Variants in VWA3B observed in about 807,000 individuals in gnomAD.
VWA3B encodes von Willebrand factor A domain containing 3B, also known as von Willebrand factor A domain-containing protein 3B.
A neutral mutation model predicts 158.3 loss-of-function variants in VWA3B; 138 were observed. The ratio of observed to expected loss-of-function variants is 0.87; its 90% CI spans 0.76 to 1.00. The LOEUF (loss-of-function observed/expected upper bound fraction) is 1.00, where lower values mean the gene tolerates loss of function less well. Among genes scored for constraint, VWA3B ranks in the 50% least tolerant of loss-of-function variants. The pLI is 0.00. For missense variants in VWA3B, 1,555 were observed against 1,565.1 expected (o/e 0.99, Z 0.11); for synonymous variants, 596 against 587.3 (o/e 1.01, Z -0.21).
intron 12 of VWA3B, among the ~76,000 whole-genome samples, chr2:98,201,376 T>C (rs1682532745): frequency 6.6e-6 from 1 of 152,230 alleles, no homozygotes; most frequent in African/African-American, 2.4e-5. Flanking sequence ...ACTTACCTGC[T>C]CTAGGAACTT....
At chr2:98,208,159 T>C (rs1574081964) in intron 12 of VWA3B, among the ~76,000 whole-genome samples, 2 of 152,080 alleles carry the variant, frequency 1.3e-5, no homozygotes, top group African/African-American at 4.8e-5. Context: ...GTCTACTTTA[T>C]ATAATATTAA....
chr2:98,129,531 A>T (rs1244097420), intron 6 of VWA3B, among the ~76,000 whole-genome samples: 1 of 152,116 alleles, frequency 6.6e-6, no homozygotes, highest in Non-Finnish European at 1.5e-5. Flanking sequence ...CAACATAGGA[A>T]TTTTTTTGGC....
chr2:98,114,544 G>T lies in VWA3B; in HGVS notation c.197-1108G>T, dbSNP rs1396631422. ...CAGCCTTGCTCTTTTTAGCTCTCCAGAGGAGGCTGTTATCCTGCCTTCCTA... is the reference window on the plus strand; with the variant it reads ...CAGCCTTGCTCTTTTTAGCTCTCCATAGGAGGCTGTTATCCTGCCTTCCTA... On this transcript the variant is annotated intron_variant, in intron 2 of 27. Transcript: ENST00000477737. Among the ~76,000 whole-genome samples, 3 of 152,210 alleles carry T rather than the reference G, an allele frequency of 2.0e-5. No homozygotes were observed. The East Asian group carries it at 5.8e-4, about 29-fold the overall frequency.
At chr2:98,238,770 C>T (rs755526783) in intron 19 of VWA3B, among the ~76,000 whole-genome samples, 4 of 152,040 alleles carry the variant, frequency 2.6e-5, no homozygotes, top group East Asian at 1.9e-4. Flanking sequence ...TGATATCTTA[C>T]GTGTGTGTAT....
intron 7 of VWA3B, among the ~76,000 whole-genome samples, chr2:98,155,114 C>G (rs1438697960): frequency 6.6e-6 from 1 of 152,186 alleles, no homozygotes; most frequent in Non-Finnish European, 1.5e-5. Context: ...CCTTGATAAC[C>G]TGGTGGGCCA....
chr2:98,166,519 T>C (rs994250728), intron 8 of VWA3B, among the ~76,000 whole-genome samples: 1 of 152,152 alleles, frequency 6.6e-6, no homozygotes, highest in African/African-American at 2.4e-5. Context: ...GGCCGTCTCC[T>C]AGCCGGGAAG....
chr2:98,173,067 A>G (rs760695837), intron 8 of VWA3B, among the ~76,000 whole-genome samples: 2 of 152,316 alleles, frequency 1.3e-5, no homozygotes, highest in South Asian at 2.1e-4. Context: ...GATGAAGACT[A>G]TTTTACCAAC....
At chr2:98,308,795 A>C (rs1574328141) in intron 26 of VWA3B, among the ~76,000 whole-genome samples, 1 of 151,972 alleles carries the variant, frequency 6.6e-6, no homozygotes, top group East Asian at 1.9e-4. Context: ...ACTAGCTAGA[A>C]CTCTCTCCCA....
the VWA3B span, among the ~76,000 whole-genome samples, chr2:98,322,316 CCAACTTTCAGGGT>C: frequency 2.8e-4 from 42 of 152,268 alleles, no homozygotes; most frequent in Non-Finnish European, 3.4e-4. Context: ...AGGGCACTCC[CCAACTTTCAGGGT>C]CAAGGCAACA....
intron 20 of VWA3B, among the ~76,000 whole-genome samples, chr2:98,254,384 G>A (rs1686982185): frequency 6.6e-6 from 1 of 152,040 alleles, no homozygotes; most frequent in Non-Finnish European, 1.5e-5. Context: ...ATTGTGAATG[G>A]GTTTTTTGTT....
chr2:98,264,049 T>A (rs778998316), intron 21 of VWA3B, among the ~76,000 whole-genome samples: 80 of 152,096 alleles, frequency 5.3e-4, no homozygotes, highest in Middle Eastern at 3.4e-3. Context: ...AGTCTCATAA[T>A]CCTTTTAATT....
At chr2:98,217,024 C>G in intron 13 of VWA3B, 1 of 1,240,708 alleles carries the variant, frequency 8.1e-7, no homozygotes, top group Non-Finnish European at 1.0e-6. Flanking sequence ...TCATGCTAAA[C>G]TGGCATGATG....
intron 21 of VWA3B, among the ~76,000 whole-genome samples, chr2:98,267,774 A>C (rs1687936316): frequency 6.6e-6 from 1 of 152,268 alleles, no homozygotes; most frequent in East Asian, 1.9e-4. Context: ...AAGGATCAAT[A>C]AAATTGATAG....
At chr2:98,170,447 A>T (rs1256170966) in intron 8 of VWA3B, among the ~76,000 whole-genome samples, 2 of 152,198 alleles carry the variant, frequency 1.3e-5, no homozygotes, top group African/African-American at 2.4e-5. Context: ...CTCTGCAGGC[A>T]GTTGCAACCT....
Position 98,300,201 on chromosome 2 carries a change from G to T in VWA3B, c.3405G>T (p.Lys1135Asn), listed in dbSNP as rs1409382035. The change falls in exon 25 of 28, where the codon AAG becomes AAT. Residue 1135 changes from lysine to asparagine, a missense_variant. Transcript: ENST00000477737. ...CAGAAAAATTCTACACAGTTTTGAA[G>T]TGTAACAACCGGAGAGTAAGTAGAT... ...VATEKFYTVL[K>N]CNNRREFCPR... The T allele has an allele frequency of 1.2e-6, 2 of 1,614,240 alleles. No individual in the cohort carries two copies. Among genetic ancestry groups the T allele is most frequent in the Non-Finnish European group, 1.7e-6 (2 of 1,180,052 alleles).
intron 13 of VWA3B, among the ~76,000 whole-genome samples, chr2:98,216,122 A>C (rs1683969114): frequency 1.3e-5 from 2 of 152,202 alleles, no homozygotes; most frequent in Admixed American, 6.5e-5. Context: ...TTACATGGAC[A>C]CTAGCTTCCT....
chr2:98,224,753 TAA>T (rs35784294), intron 14 of VWA3B, among the ~76,000 whole-genome samples: 2 of 146,326 alleles, frequency 1.4e-5, no homozygotes, highest in African/African-American at 2.5e-5. Context: ...CAGTGTGAAT[TAA>T]AAAAAAAAAA....
intron 26 of VWA3B, among the ~76,000 whole-genome samples, chr2:98,308,908 A>G (rs1690705543): frequency 6.6e-6 from 1 of 152,202 alleles, no homozygotes; most frequent in Admixed American, 6.5e-5. Flanking sequence ...GCAGTGGCTC[A>G]TGCCTGTAAC....
chr2:98,134,398 G>A (rs1003034648), intron 7 of VWA3B, among the ~76,000 whole-genome samples: 1 of 152,150 alleles, frequency 6.6e-6, no homozygotes, highest in Non-Finnish European at 1.5e-5. Flanking sequence ...GAACCTTTAC[G>A]GAGGCGGAAT....
Sources: gnomAD v4.1 joint callset for allele counts (sites outside exome capture counted in the v4.1 genomes callset) on GRCh38, gnomAD v4.1.1 for gene constraint, MANE v1.5 for transcripts, NCBI Gene and HGNC (gene_info 2026-07-23, HGNC 2026-07-21) for gene names.